Variants in SPATA9 observed in about 807,000 individuals in gnomAD.
SPATA9 encodes the protein spermatogenesis-associated protein 9.
In SPATA9, 27 loss-of-function variants were observed where a neutral mutation model predicts 25.5. The observed-to-expected ratio is 1.06, with a 90% CI of 0.78 to 1.46. The LOEUF is 1.46. Ranked by LOEUF, SPATA9 falls within the 40% of genes most tolerant of loss-of-function variation. SPATA9 has a pLI of 0.00. For missense variants in SPATA9, 282 were observed against 297.5 expected (o/e 0.95, Z 0.38); for synonymous variants, 102 against 105.7 (o/e 0.97, Z 0.21).
chr5:95,665,040 A>AAG (rs1278155983), intron 3 of SPATA9, among the ~76,000 whole-genome samples: 1 of 152,200 alleles, frequency 6.6e-6, no homozygotes, highest in Non-Finnish European at 1.5e-5. Flanking sequence ...ATATTATGCA[A>AAG]TCTTTTTATT....
chr5:95,653,208 A>G (rs902454804), exon 9 of SPATA9: 1 of 1,551,600 alleles, frequency 6.4e-7, no homozygotes, highest in South Asian at 1.2e-5. Flanking sequence ...ACCAGTTTTT[A>G]TCTGAGGTAA....
At chr5:95,706,094 T>G in the SPATA9 span, among the ~76,000 whole-genome samples, 2 of 152,112 alleles carry the variant, frequency 1.3e-5, no homozygotes, top group African/African-American at 2.4e-5. Flanking sequence ...GTCCCAGACC[T>G]TTTTTTAGAC....
At chr5:95,703,236 C>A (rs1364821418), upstream of SPATA9, among the ~76,000 whole-genome samples, 2 of 152,310 alleles carry the variant, frequency 1.3e-5, no homozygotes, top group East Asian at 3.9e-4. Flanking sequence ...AAGTATTTCT[C>A]TGTTTCTTTA....
intron 4 of SPATA9, 60 bp downstream of exon 4, chr5:95,663,893 A>G (rs1161149443): frequency 2.1e-6 from 2 of 970,468 alleles, no homozygotes; most frequent in African/African-American, 3.3e-5. Context: ...GCACAGTATT[A>G]TTAACATTAC....
At chr5:95,701,272 C>T (rs921322512), upstream of SPATA9, 1 of 152,136 alleles carries the variant, frequency 6.6e-6, no homozygotes, top group Non-Finnish European at 1.5e-5. Flanking sequence ...CCCAGTGGGA[C>T]ACAATTAATC....
chr5:95,703,272 T>C (rs1223569840), upstream of SPATA9, among the ~76,000 whole-genome samples: 1 of 152,356 alleles, frequency 6.6e-6, no homozygotes, highest in African/African-American at 2.4e-5. Flanking sequence ...ATGTCTACCA[T>C]GCTGTGCTAT....
chr5:95,707,436 G>A, the SPATA9 span, among the ~76,000 whole-genome samples: 16 of 151,776 alleles, frequency 1.1e-4, no homozygotes, highest in African/African-American at 2.9e-4. Context: ...AAATTCTCTC[G>A]GCCCCGAGGA....
intron 2 of SPATA9, among the ~76,000 whole-genome samples, chr5:95,680,190 G>T (rs539365953): frequency 3.0e-4 from 45 of 152,280 alleles, no homozygotes; most frequent in African/African-American, 1.0e-3. Flanking sequence ...GAGCCACCGC[G>T]CCTGGCCCAG....
At chr5:95,731,581 G>A in the SPATA9 span, 61 of 1,545,584 alleles carry the variant, frequency 3.9e-5, no homozygotes, top group Non-Finnish European at 4.8e-5. Flanking sequence ...GGACGCGGCC[G>A]GGGATGAGCG....
At chr5:95,669,514 A>C (rs746787744) in intron 3 of SPATA9, among the ~76,000 whole-genome samples, 1 of 152,180 alleles carries the variant, frequency 6.6e-6, no homozygotes, top group Non-Finnish European at 1.5e-5. Context: ...GGCATTGTAA[A>C]CGCTGAGGAT....
chr5:95,673,171 AT>A (rs1752572906), intron 3 of SPATA9, among the ~76,000 whole-genome samples: 2 of 152,214 alleles, frequency 1.3e-5, no homozygotes, highest in South Asian at 2.1e-4. Flanking sequence ...CAGTGTCCCT[AT>A]AAAAAGTCCC....
At chr5:95,712,910 CA>C in the SPATA9 span, among the ~76,000 whole-genome samples, 1 of 151,730 alleles carries the variant, frequency 6.6e-6, no homozygotes, top group Non-Finnish European at 1.5e-5. Context: ...CTTTTTTTAT[CA>C]ATGTTTAAAG....
At chr5:95,723,952 A>G in the SPATA9 span, among the ~76,000 whole-genome samples, 1 of 152,256 alleles carries the variant, frequency 6.6e-6, no homozygotes, top group Non-Finnish European at 1.5e-5. Flanking sequence ...AGAATACAAT[A>G]AAACACAAAC....
rs79808560 is a variant in SPATA9, at chr5:95,697,530, C to T, written n.124+1058G>A. Among the ~76,000 whole-genome samples, 1,447 of 152,246 alleles carry T rather than the reference C, an allele frequency of 9.5e-3. 23 individuals are homozygous for T. The highest frequency in any genetic ancestry group is 0.033 in the African/African-American group (1,365 of 41,534). On this transcript the variant is annotated intron_variant and non_coding_transcript_variant, in intron 1 of 2. Transcript: ENST00000379990. ...GAGCCACAGTCATTTTATAACTAATCTCAGTATGATAGCTCATCACTAGAG... is the reference window on the plus strand; with the variant it reads ...GAGCCACAGTCATTTTATAACTAATTTCAGTATGATAGCTCATCACTAGAG...
downstream of SPATA9, chr5:95,652,614 A>T: frequency 3.0e-6 from 1 of 328,886 alleles, no homozygotes; most frequent in Admixed American, 4.4e-5. Context: ...TTTCTGTAGC[A>T]TCTTCATTCA....
chr5:95,721,393 A>G, the SPATA9 span, among the ~76,000 whole-genome samples: 1 of 152,216 alleles, frequency 6.6e-6, no homozygotes, highest in Admixed American at 6.5e-5. Context: ...AGCTGGTAAC[A>G]CAAGAACATG....
intron 3 of SPATA9, among the ~76,000 whole-genome samples, chr5:95,664,374 T>C (rs1005239262): frequency 6.6e-6 from 1 of 152,216 alleles, no homozygotes; most frequent in African/African-American, 2.4e-5. Context: ...TTTGTTAAAA[T>C]TCATGTAATC....
chr5:95,692,702 G>A (rs1256505712), intron 1 of SPATA9, among the ~76,000 whole-genome samples: 1 of 151,790 alleles, frequency 6.6e-6, no homozygotes, highest in Non-Finnish European at 1.5e-5. Flanking sequence ...TTTGCTCCAA[G>A]GACTATCTTA....
chr5:95,653,038 A>G (rs1216069932), exon 9 of SPATA9: 14 of 1,532,022 alleles, frequency 9.1e-6, no homozygotes, highest in Middle Eastern at 1.7e-4. Flanking sequence ...CCAATCTTGC[A>G]TATTATGTTC....
Sources: allele counts gnomAD v4.1 joint callset (sites outside exome capture counted in the v4.1 genomes callset), GRCh38; gene constraint gnomAD v4.1.1; transcripts MANE v1.5; gene names NCBI Gene and HGNC (gene_info 2026-07-23, HGNC 2026-07-21).